RAB3GAP2: variants seen among roughly 807,000 people sequenced by gnomAD.
RAB3GAP2 encodes the protein rab3 GTPase-activating protein non-catalytic subunit.
RAB3GAP2 carries 87 observed loss-of-function variants against 185.3 expected under a neutral mutation model. That is an observed-to-expected ratio of 0.47 (90% CI 0.39 to 0.56). The LOEUF is 0.56. Among genes scored for constraint, RAB3GAP2 ranks in the 20% least tolerant of loss-of-function variants. The pLI is 0.00. For missense variants in RAB3GAP2, 1,492 were observed against 1,638.2 expected (o/e 0.91, Z 1.54); for synonymous variants, 554 against 576.1 (o/e 0.96, Z 0.55).
At position 220,148,676 on chromosome 1, in the gene RAB3GAP2, A is replaced by G. The variant is rs1221424613; in HGVS notation, c.*2575T>C. ...TTTTAGATCGCAATTGTTTTTAAAA[A>G]GCAATTTAAATGTAACAGTGTTTAC... is the stretch of plus-strand genomic sequence containing the variant. On this transcript the variant is annotated 3_prime_UTR_variant, in exon 35 of 35. Coordinates refer to ENST00000358951, the MANE Select transcript of RAB3GAP2 (RefSeq NM_012414.4). The G allele has an allele frequency of 6.6e-6, 1 of 152,228 alleles. No homozygotes were observed. Among genetic ancestry groups the G allele is most frequent in the Non-Finnish European group, 1.5e-5 (1 of 68,030 alleles). The allele number at this position is 152,228 out of a possible 1,614,324, so 9.4% of individuals were successfully genotyped here. A position where few individuals can be genotyped will look rare whatever the true frequency, so the allele number is the denominator to read the frequency against.
At chr1:220,257,170 A>T (rs1660046511) in intron 1 of RAB3GAP2, among the ~76,000 whole-genome samples, 1 of 152,158 alleles carries the variant, frequency 6.6e-6, no homozygotes. Context: ...CGAGGTCAGG[A>T]GATCAAGACC....
chr1:220,212,337 T>C (rs1659098834), intron 4 of RAB3GAP2, among the ~76,000 whole-genome samples: 1 of 152,206 alleles, frequency 6.6e-6, no homozygotes. Flanking sequence ...ACGAGATTCT[T>C]TTTGAATTCT....
chr1:220,193,556 C>T (rs1658665249), intron 12 of RAB3GAP2, among the ~76,000 whole-genome samples, 177 bp from the exon 13 acceptor site: 1 of 152,114 alleles, frequency 6.6e-6, no homozygotes, highest in South Asian at 2.1e-4. Context: ...ATATAAAATA[C>T]ATAAAAGAAA....
chr1:220,263,820 A>C (rs778209860), intron 1 of RAB3GAP2, among the ~76,000 whole-genome samples: 6 of 152,242 alleles, frequency 3.9e-5, no homozygotes, highest in Admixed American at 2.6e-4. Flanking sequence ...AAAAAAAAGA[A>C]AAGACAAGAC....
intron 1 of RAB3GAP2, among the ~76,000 whole-genome samples, chr1:220,254,760 G>C (rs1385725611): frequency 1.3e-5 from 2 of 151,640 alleles, no homozygotes; most frequent in Non-Finnish European, 2.9e-5. Context: ...TTCAATGATG[G>C]ACAACAGAGG....
chr1:220,163,032 C>T (rs998462932), intron 27 of RAB3GAP2, among the ~76,000 whole-genome samples: 12 of 152,080 alleles, frequency 7.9e-5, no homozygotes, highest in East Asian at 1.9e-4. Flanking sequence ...TAGTCGCACT[C>T]GGAGGCTGAG....
intron 1 of RAB3GAP2, among the ~76,000 whole-genome samples, chr1:220,234,049 A>C (rs1270585209): frequency 6.6e-6 from 1 of 152,216 alleles, no homozygotes; most frequent in Non-Finnish European, 1.5e-5. Flanking sequence ...ATCCTGATCT[A>C]GCACTTACTG....
rs755133514 is a variant in RAB3GAP2 at position 220,184,041 on chromosome 1, C to T, written c.1993G>A (p.Asp665Asn). The change falls in exon 19 of 35, where the codon GAT becomes AAT. Residue 665 changes from aspartate (D) to asparagine (N), a missense_variant. Physicochemically the swap from Asp to Asn is conservative, Grantham distance 23 (BLOSUM62 1). Around this residue, in one of 5 missense-constraint regions of RAB3GAP2, gnomAD observed 681 missense variants for 689.1 expected, o/e 0.99. Transcript: ENST00000358951. ...LDFHLDTPFSDNDLALLLRLD... is the reference protein window; with the variant it reads ...LDFHLDTPFSNNDLALLLRLD... ...TAAAATGTGGGATTACTCACATTATCAGAGAATGGTGTGTCTAAATGAAAA... is the reference window on the plus strand; with the variant it reads ...TAAAATGTGGGATTACTCACATTATTAGAGAATGGTGTGTCTAAATGAAAA... 2 of 1,563,318 alleles carry T rather than the reference C, an allele frequency of 1.3e-6. No homozygotes were observed. Among genetic ancestry groups the T allele is most frequent in the Non-Finnish European group, 8.8e-7 (1 of 1,138,220 alleles).
At chr1:220,214,843 T>C (rs545295763) in intron 2 of RAB3GAP2, among the ~76,000 whole-genome samples, 82 of 150,878 alleles carry the variant, frequency 5.4e-4, no homozygotes, top group African/African-American at 1.9e-3. Flanking sequence ...CATCTAGTTG[T>C]TAACTCTAGA....
At chr1:220,168,493 G>C (rs1658113663) in intron 24 of RAB3GAP2, among the ~76,000 whole-genome samples, 2 of 152,014 alleles carry the variant, frequency 1.3e-5, no homozygotes, top group South Asian at 4.2e-4. Context: ...TGCCTCCCAG[G>C]TACAAGGGAT....
chr1:220,250,315 GT>G (rs1288607573), intron 1 of RAB3GAP2, among the ~76,000 whole-genome samples: 1 of 152,190 alleles, frequency 6.6e-6, no homozygotes, highest in Non-Finnish European at 1.5e-5. Flanking sequence ...CCCCCATTGA[GT>G]TTTGGACTTA....
At chr1:220,155,297 A>G (rs954282723) in intron 31 of RAB3GAP2, among the ~76,000 whole-genome samples, 1 of 152,186 alleles carries the variant, frequency 6.6e-6, no homozygotes, top group African/African-American at 2.4e-5. Flanking sequence ...CATCCTAGGT[A>G]TCTTCCAATG....
chr1:220,186,348 A>T (rs547252028), intron 17 of RAB3GAP2, among the ~76,000 whole-genome samples: 1 of 152,334 alleles, frequency 6.6e-6, no homozygotes, highest in Admixed American at 6.5e-5. Flanking sequence ...TAGCACATTA[A>T]GTTGGGTTTT....
rs1658168168 is a variant in RAB3GAP2, at chr1:220,171,115, G to A, written c.2583C>T (p.Ser861=). The part of the protein sequence containing the change: ...ISNNMTEKKF[S]QTVLGADSEA... ...CTGAATCAGCACCCAAAACTGTTTG[G>A]GAAAACTAATAAAAAATGCACTGGT... Residue 861 remains serine, a synonymous_variant, in exon 24 of 35, where the codon TCC becomes TCT. Coordinates refer to ENST00000358951, the MANE Select transcript of RAB3GAP2 (RefSeq NM_012414.4). 1.9e-6 allele frequency: 3 copies of A among 1,613,676 alleles called. No homozygotes were observed. The highest frequency in any genetic ancestry group is 2.2e-5 in the South Asian group (2 of 91,084).
At chr1:220,267,204 T>G (rs1213699555) in intron 1 of RAB3GAP2, 2 of 942,286 alleles carry the variant, frequency 2.1e-6, no homozygotes, top group East Asian at 2.4e-5. Context: ...TTGCCAATTC[T>G]GTGATATAAG....
intron 24 of RAB3GAP2, among the ~76,000 whole-genome samples, chr1:220,169,411 G>A (rs932019199): frequency 1.3e-5 from 2 of 152,200 alleles, no homozygotes; most frequent in Non-Finnish European, 2.9e-5. Context: ...ATAACGTTCT[G>A]TGGATATTAG....
At chr1:220,204,501 A>C (rs1658922882) in intron 8 of RAB3GAP2, among the ~76,000 whole-genome samples, 1 of 152,086 alleles carries the variant, frequency 6.6e-6, no homozygotes, top group African/African-American at 2.4e-5. Flanking sequence ...TTTTTCACCA[A>C]AGTTAAACTT....
At chr1:220,211,041 C>A in intron 4 of RAB3GAP2, 39 bp from the exon 5 acceptor site, 1 of 1,577,634 alleles carries the variant, frequency 6.3e-7, no homozygotes, top group South Asian at 1.1e-5. Flanking sequence ...ACCCACTGAA[C>A]TTACCAATTA....
At chr1:220,244,745 A>G (rs1267127935) in intron 1 of RAB3GAP2, among the ~76,000 whole-genome samples, 2 of 152,200 alleles carry the variant, frequency 1.3e-5, no homozygotes, top group African/African-American at 4.8e-5. Context: ...ACCCAGAAGT[A>G]AAGCCAAATA....
Sources: allele counts gnomAD v4.1 joint callset (sites outside exome capture counted in the v4.1 genomes callset), GRCh38; gene constraint gnomAD v4.1.1; regional missense constraint gnomAD v4.1.1; transcripts MANE v1.5; gene names NCBI Gene and HGNC (gene_info 2026-07-23, HGNC 2026-07-21).